CMSS1: variants seen among roughly 807,000 people sequenced by gnomAD.
The protein encoded by CMSS1 is cms1 ribosomal small subunit homolog.
CMSS1 carries 33 observed loss-of-function variants against 43.5 expected under a neutral mutation model. That is an observed-to-expected ratio of 0.76 (90% CI 0.57 to 1.01). The LOEUF is 1.01. CMSS1 is among the 50% of genes least tolerant of loss of function. CMSS1 has a pLI of 0.00. For synonymous variants in CMSS1, 115 were observed against 117.2 expected, an observed-to-expected ratio of 0.98 and a Z score of 0.12; for missense variants, 313 against 326.4, an observed-to-expected ratio of 0.96 and a Z score of 0.32.
At chr3:99,946,101 A>T (rs1221936902) in intron 1 of CMSS1, among the ~76,000 whole-genome samples, 1 of 152,250 alleles carries the variant, frequency 6.6e-6, no homozygotes, top group Non-Finnish European at 1.5e-5. Flanking sequence ...TATGATAGTC[A>T]TTCTCAACCT....
At chr3:99,911,359 GTATTAT>G (rs1260901768) in intron 1 of CMSS1, among the ~76,000 whole-genome samples, 3 of 149,864 alleles carry the variant, frequency 2.0e-5, no homozygotes, top group Non-Finnish European at 3.0e-5. Context: ...AAAATAATAA[GTATTAT>G]TATTGTTAAG....
chr3:100,041,114 GT>G (rs1240918678), intron 1 of CMSS1: 1 of 152,124 alleles, frequency 6.6e-6, no homozygotes, highest in Non-Finnish European at 1.5e-5. Context: ...GACTGCCAAA[GT>G]TTTATTTCAG....
At chr3:100,153,193 C>T (rs2066936650) in intron 2 of CMSS1, among the ~76,000 whole-genome samples, 1 of 152,188 alleles carries the variant, frequency 6.6e-6, no homozygotes, top group East Asian at 1.9e-4. Context: ...CCACCTGGGT[C>T]AATCACGATG....
At chr3:99,820,043 G>A (rs1399342666) in intron 1 of CMSS1, among the ~76,000 whole-genome samples, 4 of 151,884 alleles carry the variant, frequency 2.6e-5, no homozygotes, top group African/African-American at 2.4e-5. Flanking sequence ...GTGAGCCACC[G>A]TGCCTGGCCC....
At chr3:99,967,714 A>C (rs2107712425) in intron 1 of CMSS1, among the ~76,000 whole-genome samples, 1 of 152,334 alleles carries the variant, frequency 6.6e-6, no homozygotes, top group East Asian at 1.9e-4. Context: ...GCTCAGAGCT[A>C]CAGAATGACA....
intron 1 of CMSS1, among the ~76,000 whole-genome samples, chr3:100,092,420 T>A (rs2066126177): frequency 6.6e-6 from 1 of 152,046 alleles, no homozygotes; most frequent in Non-Finnish European, 1.5e-5. Context: ...GAGTGAGAAG[T>A]TTGGCTTTTT....
intron 1 of CMSS1, among the ~76,000 whole-genome samples, chr3:99,820,163 T>C (rs1425838259): frequency 6.6e-6 from 1 of 152,046 alleles, no homozygotes; most frequent in Non-Finnish European, 1.5e-5. Flanking sequence ...CTAAGATTGC[T>C]CTACTTCTTA....
intron 1 of CMSS1, among the ~76,000 whole-genome samples, chr3:99,958,111 G>A (rs1306285022): frequency 6.7e-6 from 1 of 148,670 alleles, no homozygotes; most frequent in Non-Finnish European, 1.5e-5. Flanking sequence ...GGATACATGT[G>A]CAGGATGTGC....
intron 1 of CMSS1, among the ~76,000 whole-genome samples, chr3:100,008,717 G>A (rs116412633): frequency 0.012 from 1,778 of 152,254 alleles, 22 homozygotes; most frequent in African/African-American, 0.026. Context: ...GCATATGTTT[G>A]CTAGCCTTGC....
At chr3:99,902,854 G>A (rs1012888340) in intron 1 of CMSS1, among the ~76,000 whole-genome samples, 1 of 152,154 alleles carries the variant, frequency 6.6e-6, no homozygotes, top group Non-Finnish European at 1.5e-5. Flanking sequence ...CTGAAATTTA[G>A]ATGATAAATT....
At chr3:100,040,408 C>G (rs1490838341) in intron 1 of CMSS1, 1 of 152,148 alleles carries the variant, frequency 6.6e-6, no homozygotes, top group Non-Finnish European at 1.5e-5. Context: ...TAATAGCATT[C>G]CATTTTAATA....
At chr3:99,943,301 C>G (rs1287343414) in intron 1 of CMSS1, among the ~76,000 whole-genome samples, 1 of 152,044 alleles carries the variant, frequency 6.6e-6, no homozygotes, top group Non-Finnish European at 1.5e-5. Flanking sequence ...ATGTGTCAGC[C>G]CTGACACTTT....
At chr3:100,023,500 A>C (rs752511709) in intron 1 of CMSS1, 2 of 152,656 alleles carry the variant, frequency 1.3e-5, no homozygotes, top group Non-Finnish European at 2.9e-5. Context: ...CCGAGTCTAT[A>C]ATTTACTAAA....
intron 1 of CMSS1, among the ~76,000 whole-genome samples, chr3:99,953,805 A>G (rs960159728): frequency 2.6e-5 from 4 of 152,184 alleles, no homozygotes; most frequent in Non-Finnish European, 1.5e-5. Context: ...GCAATTAGCT[A>G]GCTTATTCAG....
At chr3:99,973,882 C>T (rs1462286460) in intron 1 of CMSS1, among the ~76,000 whole-genome samples, 1 of 152,042 alleles carries the variant, frequency 6.6e-6, no homozygotes, top group African/African-American at 2.4e-5. Flanking sequence ...TTTAGGTGTT[C>T]TTGATAGACA....
chr3:99,931,167 A>C (rs1229507662), intron 1 of CMSS1: 1 of 683,302 alleles, frequency 1.5e-6, no homozygotes, highest in Non-Finnish European at 2.5e-6. Flanking sequence ...TGTCTACAGC[A>C]GAGAAGGATA....
At position 99,883,200 on chromosome 3, in the gene CMSS1, G is replaced by A. The variant is rs1402955499; in HGVS notation, c.64+65157G>A. ...AGTCTAGTTGTTATTAATCAGTGCCGAACAGCTCCAGAGATTTTTTACTTC... is the reference window on the plus strand; with the variant it reads ...AGTCTAGTTGTTATTAATCAGTGCCAAACAGCTCCAGAGATTTTTTACTTC... On this transcript the variant is annotated intron_variant, in intron 1 of 9. Transcript: ENST00000421999. 3.9e-5 allele frequency among the ~76,000 whole-genome samples: 6 copies of A among 152,110 alleles called. No homozygotes were observed. The East Asian group carries it at 5.8e-4, about 15-fold the overall frequency.
At chr3:99,838,297 C>G (rs957493318) in intron 1 of CMSS1, among the ~76,000 whole-genome samples, 1 of 152,194 alleles carries the variant, frequency 6.6e-6, no homozygotes. Flanking sequence ...CATTCATTAT[C>G]TCTTGTCACC....
chr3:100,146,638 A>G (rs2066852661), intron 1 of CMSS1, among the ~76,000 whole-genome samples: 1 of 152,218 alleles, frequency 6.6e-6, no homozygotes, highest in Non-Finnish European at 1.5e-5. Context: ...ACCACTTACT[A>G]TTATCATCAT....
Sources: allele counts gnomAD v4.1 joint callset (sites outside exome capture counted in the v4.1 genomes callset), GRCh38; gene constraint gnomAD v4.1.1; transcripts MANE v1.5; gene names NCBI Gene and HGNC (gene_info 2026-07-23, HGNC 2026-07-21).